The following TG variants were observed in gnomAD, a reference collection of about 807,000 sequenced individuals.
TG encodes the protein thyroglobulin.
Under a neutral mutation model 324.7 loss-of-function variants are expected in TG, and 270 were observed. The observed-to-expected ratio is 0.83, with a 90% CI of 0.75 to 0.92. The LOEUF (loss-of-function observed/expected upper bound fraction) is 0.92, where lower values mean the gene tolerates loss of function less well. Among genes scored for constraint, TG ranks in the 40% least tolerant of loss-of-function variants. The pLI, the probability that TG is intolerant of heterozygous loss-of-function variation, is 0.00. For synonymous variants in TG, 1,401 were observed against 1,327.0 expected (o/e 1.06, Z -1.21); for missense variants, 3,591 against 3,456.4 (o/e 1.04, Z -0.98).
At chr8:133,002,560 A>T in intron 35 of TG, 1 of 362,392 alleles carries the variant, frequency 2.8e-6, no homozygotes, top group Non-Finnish European at 3.9e-6. Context: ...CAATGAAGAG[A>T]AACATTTTTA....
At chr8:132,994,926 G>A in intron 35 of TG, 1 of 1,116,288 alleles carries the variant, frequency 9.0e-7, no homozygotes, top group Non-Finnish European at 1.1e-6. Flanking sequence ...CAAATATGTT[G>A]AAGATTCTCT....
At chr8:132,986,312 T>C (rs892940867) in intron 35 of TG, among the ~76,000 whole-genome samples, 2 of 151,514 alleles carry the variant, frequency 1.3e-5, no homozygotes, top group African/African-American at 4.8e-5. Context: ...TGTATATATA[T>C]ATGTGTGTGT....
chr8:133,006,404 C>A (rs943897678), intron 35 of TG, among the ~76,000 whole-genome samples: 1 of 152,224 alleles, frequency 6.6e-6, no homozygotes, highest in Non-Finnish European at 1.5e-5. Flanking sequence ...CTTTGGAATT[C>A]TTGTCACATT....
chr8:133,003,026 G>T (rs992424866), intron 35 of TG: 8 of 1,043,730 alleles, frequency 7.7e-6, no homozygotes, highest in Non-Finnish European at 9.3e-6. Flanking sequence ...TTTCCAAAAG[G>T]CTTGGAGAAC....
Position 133,118,077 on chromosome 8 carries a change from G to A in TG, c.7862+1361G>A, listed in dbSNP as rs73356617. 1.7e-3 allele frequency among the ~76,000 whole-genome samples: 260 copies of A among 152,190 alleles called. 1 individual carries two copies. Among genetic ancestry groups the A allele is most frequent in the African/African-American group, 6.0e-3 (249 of 41,544 alleles). On this transcript the variant is annotated intron_variant, in intron 45 of 47. Coordinates refer to ENST00000220616, the MANE Select transcript of TG (RefSeq NM_003235.5). The stretch of plus-strand genomic sequence containing the variant: ...CATGCATCATTTATCTTTACAATTA[G>A]CAACGCCCCTAAAGTAGGCTGAATA...
intron 35 of TG, among the ~76,000 whole-genome samples, chr8:132,984,863 AC>A (rs975706537): frequency 3.3e-5 from 5 of 151,736 alleles, no homozygotes; most frequent in African/African-American, 1.2e-4. Context: ...AATCTCTTGA[AC>A]CCAGGAGGCA....
rs549463776 is a variant in TG, at chr8:132,990,637, C to A, written c.6262+7225C>A. ...ACACAATCATATATTTTAAAAATTC[C>A]TATTCATGGAATGACTGAATATGCC... is the stretch of plus-strand genomic sequence containing the variant. On this transcript the variant is annotated intron_variant, in intron 35 of 47. Transcript: ENST00000220616. Among the ~76,000 whole-genome samples the A allele has an allele frequency of 1.6e-3, 250 of 152,252 alleles. 3 individuals carry two copies. Among genetic ancestry groups the A allele is most frequent in the African/African-American group, 5.8e-3 (240 of 41,534 alleles).
chr8:133,000,255 A>T (rs1313333568), intron 35 of TG, among the ~76,000 whole-genome samples: 4 of 152,210 alleles, frequency 2.6e-5, no homozygotes, highest in African/African-American at 9.7e-5. Context: ...GCTATGGCAC[A>T]CACAGGGGAT....
At chr8:133,054,091 G>T (rs1179097098) in intron 41 of TG, among the ~76,000 whole-genome samples, 1 of 152,116 alleles carries the variant, frequency 6.6e-6, no homozygotes, top group Non-Finnish European at 1.5e-5. Context: ...CTGAGCTTTG[G>T]TTGCTACAGA....
At chr8:133,108,049 G>A (rs1394256797) in intron 43 of TG, among the ~76,000 whole-genome samples, 6 of 144,776 alleles carry the variant, frequency 4.1e-5, no homozygotes, top group Middle Eastern at 3.4e-3. Context: ...TGGTGTGATC[G>A]TGGCTCACTG....
At chr8:133,102,844 G>A (rs117773409) in intron 43 of TG, 3 of 378,518 alleles carry the variant, frequency 7.9e-6, no homozygotes, top group African/African-American at 2.1e-5. Flanking sequence ...CCTCCGCTGT[G>A]CCCCTAAGCT....
At chr8:133,088,337 G>A (rs6999702) in intron 41 of TG, among the ~76,000 whole-genome samples, 37,722 of 151,954 alleles carry the variant, frequency 0.25, 4,936 homozygotes, top group African/African-American at 0.28. Flanking sequence ...TCCACCAGCC[G>A]CTCATGAGTG....
chr8:132,890,573 C>T (rs911804555), intron 10 of TG, among the ~76,000 whole-genome samples: 1 of 152,166 alleles, frequency 6.6e-6, no homozygotes. Flanking sequence ...GAGGACAGAA[C>T]AGTAGCTGTC....
intron 35 of TG, among the ~76,000 whole-genome samples, chr8:132,993,067 G>A (rs35656634): frequency 0.31 from 47,590 of 152,064 alleles, 7,640 homozygotes; most frequent in Non-Finnish European, 0.34. Flanking sequence ...GGCTCCCAGA[G>A]GGCAGATATT....
rs1189609985 is a variant in TG at position 132,911,461 on chromosome 8, G to A, written c.4087G>A (p.Gly1363Arg). The A allele has an allele frequency of 6.8e-6, 11 of 1,614,220 alleles. No individual in the cohort carries two copies. The highest frequency in any genetic ancestry group is 1.3e-5 in the African/African-American group (1 of 75,046). The change falls in exon 19 of 48, where the codon GGA becomes AGA. Residue 1363 changes from glycine (G) to arginine (R), a missense_variant. By Grantham distance (125) the Gly-to-Arg change is moderately radical. Transcript: ENST00000220616. Reference sequence around the variant, plus strand: ...GGGTTGTCTGACCAGGGAGCGTTTAGGAGTGAATGTTACATGGAAATCACG... The same window carrying A: ...GGGTTGTCTGACCAGGGAGCGTTTAAGAGTGAATGTTACATGGAAATCACG... ...QVGCLTRERL[G>R]VNVTWKSRLE...
chr8:132,901,652 A>T, intron 16 of TG, 99 bp downstream of exon 16: 3 of 1,302,936 alleles, frequency 2.3e-6, no homozygotes, highest in Non-Finnish European at 2.1e-6. Flanking sequence ...CAGGGGTGGG[A>T]GGGGAGGCAG....
chr8:132,879,582 C>G (rs530592698), intron 5 of TG, among the ~76,000 whole-genome samples: 3 of 152,262 alleles, frequency 2.0e-5, no homozygotes, highest in African/African-American at 7.2e-5. Flanking sequence ...ACAGAATTAG[C>G]AAGAAGGGAT....
At chr8:132,982,243 T>A (rs1000142325) in intron 34 of TG, among the ~76,000 whole-genome samples, 23 of 152,120 alleles carry the variant, frequency 1.5e-4, no homozygotes, top group African/African-American at 5.6e-4. Context: ...AGCAGAAAAG[T>A]GGCAAACCAA....
At chr8:133,079,185 G>A (rs140026451) in intron 41 of TG, among the ~76,000 whole-genome samples, 19 of 152,320 alleles carry the variant, frequency 1.2e-4, no homozygotes, top group Middle Eastern at 3.4e-3. Flanking sequence ...TGTACTGGCC[G>A]AATGACACTG....
Sources: allele counts gnomAD v4.1 joint callset (sites outside exome capture counted in the v4.1 genomes callset), GRCh38; gene constraint gnomAD v4.1.1; transcripts MANE v1.5; gene names NCBI Gene and HGNC (gene_info 2026-07-23, HGNC 2026-07-21).